The following GLIS3 variants were observed in gnomAD, a reference collection of about 807,000 sequenced individuals.
The protein encoded by GLIS3 is GLIS family zinc finger 3, also known as zinc finger protein GLIS3.
GLIS3 carries 53 observed loss-of-function variants against 78.6 expected under a neutral mutation model. The ratio of observed to expected loss-of-function variants is 0.67; its 90% CI spans 0.54 to 0.85. GLIS3 has a LOEUF of 0.85. Ranked by LOEUF, GLIS3 falls within the 40% of genes least tolerant of loss-of-function variation. The pLI is 0.00. For synonymous variants in GLIS3, 684 were observed against 509.9 expected (o/e 1.34, Z -4.60); for missense variants, 1,703 against 1,231.1 (o/e 1.38, Z -5.74).
chr9:4,338,364 G>A (rs933717535), intron 2 of GLIS3, among the ~76,000 whole-genome samples: 2 of 137,384 alleles, frequency 1.5e-5, no homozygotes, highest in East Asian at 4.2e-4. Flanking sequence ...TTATATATGT[G>A]TGTACACACA....
At chr9:4,401,129 C>A in the GLIS3 span, among the ~76,000 whole-genome samples, 1 of 152,214 alleles carries the variant, frequency 6.6e-6, no homozygotes, top group African/African-American at 2.4e-5. Context: ...TAAGTCCAGA[C>A]CTAGGCTCTT....
chr9:4,415,919 T>C, the GLIS3 span, among the ~76,000 whole-genome samples: 1 of 151,918 alleles, frequency 6.6e-6, no homozygotes, highest in East Asian at 1.9e-4. Flanking sequence ...TGAGCCCCAC[T>C]CCTCAGAAGT....
intron 4 of GLIS3, among the ~76,000 whole-genome samples, chr9:4,047,901 G>A (rs1384472552): frequency 6.6e-6 from 1 of 152,192 alleles, no homozygotes; most frequent in Non-Finnish European, 1.5e-5. Flanking sequence ...TTTGTGAGAT[G>A]AACTCTGTTG....
At chr9:3,876,169 TAAAAC>T (rs139941736) in intron 8 of GLIS3, among the ~76,000 whole-genome samples, 2,521 of 152,226 alleles carry the variant, frequency 0.017, 75 homozygotes, top group African/African-American at 0.058. Flanking sequence ...CTGTTTAGGA[TAAAAC>T]AATTACACAA....
At chr9:4,345,643 G>C (rs1372573596) in intron 2 of GLIS3, among the ~76,000 whole-genome samples, 1 of 152,170 alleles carries the variant, frequency 6.6e-6, no homozygotes, top group Admixed American at 6.5e-5. Flanking sequence ...AAATGTAGCA[G>C]ATTGGATACA....
intron 6 of GLIS3, among the ~76,000 whole-genome samples, chr9:3,901,742 C>T (rs555442743): frequency 2.0e-5 from 3 of 152,122 alleles, no homozygotes; most frequent in Non-Finnish European, 4.4e-5. Flanking sequence ...TTGTAATTTC[C>T]TCAGCTGTGG....
At chr9:4,216,509 A>AAAAGG (rs1238720158) in intron 2 of GLIS3, among the ~76,000 whole-genome samples, 1 of 149,430 alleles carries the variant, frequency 6.7e-6, no homozygotes, top group Non-Finnish European at 1.5e-5. Flanking sequence ...AAAAGAAAAG[A>AAAAGG]AAAAGAAAAA....
chr9:4,254,682 A>C (rs962022877), intron 2 of GLIS3, among the ~76,000 whole-genome samples: 1 of 152,078 alleles, frequency 6.6e-6, no homozygotes, highest in African/African-American at 2.4e-5. Context: ...TCTACTAAAA[A>C]TACAAAAATT....
At chr9:4,305,746 C>CTT (rs1307305981) in intron 4 of GLIS3, 1 of 466 alleles carries the variant, frequency 2.1e-3, no homozygotes, top group Non-Finnish European at 0.01. Context: ...GCCTTTTCTC[C>CTT]TCTGTGTTGT....
At chr9:4,038,971 T>C (rs1824563185) in intron 4 of GLIS3, among the ~76,000 whole-genome samples, 1 of 152,156 alleles carries the variant, frequency 6.6e-6, no homozygotes, top group African/African-American at 2.4e-5. Context: ...ATGTCTTCTC[T>C]CACTATGAAC....
rs1831821871 is a variant in GLIS3 at position 4,118,032 on chromosome 9, C to T, written c.1446G>A (p.Leu482=). 6.3e-7 allele frequency: 1 copy of T among 1,597,160 alleles called. No homozygotes were observed. Among genetic ancestry groups the T allele is most frequent in the South Asian group, 1.1e-5 (1 of 89,864 alleles). Residue 482 remains leucine (L), a synonymous_variant, in exon 4 of 11, where the codon TTG becomes TTA. Transcript: ENST00000381971. The surrounding 1 kb of genome is among the most constrained non-coding windows in gnomAD (Gnocchi z 4.7). The stretch of plus-strand genomic sequence containing the variant: ...CGTCGTCGTCCAGGGTGGCCTGGGG[C>T]AAGGCCAGCTGCTGGGCGTGGGGCC... ...ELGPHAQQLA[L]PQATLDDDGE...
At position 4,260,167 on chromosome 9, in the gene GLIS3, G is replaced by A. The variant is rs1038316806; in HGVS notation, c.388+25871C>T. Among the ~76,000 whole-genome samples the A allele has an allele frequency of 3.2e-4, 48 of 152,296 alleles. 1 individual carries two copies. Among genetic ancestry groups the A allele is most frequent in the Non-Finnish European group, 1.6e-4 (11 of 68,030 alleles). On this transcript the variant is annotated intron_variant, in intron 2 of 10. Transcript: ENST00000381971. ...AAAAGACTGACATTGGGCCAGGCCC[G>A]ATGGCCTGTAATCTTAGCACTTTGG...
chr9:4,044,863 TC>T (rs769835705), intron 4 of GLIS3, among the ~76,000 whole-genome samples: 1 of 151,932 alleles, frequency 6.6e-6, no homozygotes, highest in Non-Finnish European at 1.5e-5. Context: ...ATCTTGAAAG[TC>T]CCCCAGGATA....
At chr9:3,970,069 T>C (rs538210172) in intron 4 of GLIS3, among the ~76,000 whole-genome samples, 22 of 152,362 alleles carry the variant, frequency 1.4e-4, no homozygotes, top group African/African-American at 5.0e-4. Context: ...TAATTTAGTG[T>C]TAGCTTTCGT....
Position 3,943,603 on chromosome 9 carries a change from G to A in GLIS3, c.1711-6414C>T, listed in dbSNP as rs116325699. Among the ~76,000 whole-genome samples the A allele has an allele frequency of 2.5e-3, 375 of 152,204 alleles. 1 individual carries two copies. Among genetic ancestry groups the A allele is most frequent in the African/African-American group, 8.2e-3 (341 of 41,514 alleles). On this transcript the variant is annotated intron_variant, in intron 4 of 10. Transcript: ENST00000381971. ...AATTTGAGAGTCCTCTTAACTTCAG[G>A]GAAATCAGTGTAACCCAAACTGAGT...
chr9:4,447,673 G>C, the GLIS3 span, among the ~76,000 whole-genome samples: 1 of 152,132 alleles, frequency 6.6e-6, no homozygotes, highest in Non-Finnish European at 1.5e-5. Flanking sequence ...TCCAGGTACT[G>C]CTGATTTGCT....
At position 4,159,030 on chromosome 9, in the gene GLIS3, GAAGAAAA is replaced by G. The variant is rs1051267462; in HGVS notation, c.389-33096_389-33090del. 1.6e-4 allele frequency among the ~76,000 whole-genome samples: 13 copies of G among 79,092 alleles called. 1 individual carries two copies. Among genetic ancestry groups the G allele is most frequent in the African/African-American group, 3.4e-4 (7 of 20,566 alleles). 51.9% of individuals were successfully genotyped at this position (79,092 alleles called of 152,430 possible). On this transcript the variant is annotated intron_variant, in intron 2 of 10. Coordinates refer to ENST00000381971, the MANE Select transcript of GLIS3 (RefSeq NM_001042413.2). ...GCTTGGTATGCTAGAGAAAGGAGAA[GAAGAAAA>G]AAAAAAAAAAAAGCCAGGCTAGCTG... is the stretch of plus-strand genomic sequence containing the variant.
At chr9:4,469,109 A>G in the GLIS3 span, among the ~76,000 whole-genome samples, 48 of 152,358 alleles carry the variant, frequency 3.2e-4, no homozygotes, top group African/African-American at 1.1e-3. Context: ...ATATGCACCC[A>G]ATATGGGAGC....
At chr9:4,041,058 C>T (rs561034577) in intron 4 of GLIS3, among the ~76,000 whole-genome samples, 1 of 152,290 alleles carries the variant, frequency 6.6e-6, no homozygotes, top group African/African-American at 2.4e-5. Flanking sequence ...GAGTGAGTAC[C>T]ATCAAGAAGG....
Sources: gnomAD v4.1 joint callset for allele counts (sites outside exome capture counted in the v4.1 genomes callset) on GRCh38, gnomAD v4.1.1 for gene constraint, Gnocchi (gnomAD v3.1) non-coding constraint, MANE v1.5 for transcripts, NCBI Gene and HGNC (gene_info 2026-07-23, HGNC 2026-07-21) for gene names.